Variants in NCOA2 observed in about 807,000 individuals in gnomAD.
The protein encoded by NCOA2 is nuclear receptor coactivator 2.
Under a neutral mutation model 145.1 loss-of-function variants are expected in NCOA2, and 21 were observed. The observed-to-expected ratio is 0.14, with a 90% confidence interval of 0.10 to 0.21. NCOA2 has a LOEUF of 0.21. NCOA2 is among the 10% of genes least tolerant of loss of function. The pLI is 1.00. For missense variants in NCOA2, 1,472 were observed against 1,837.6 expected (o/e 0.80, Z 3.64); for synonymous variants, 619 against 637.5 (o/e 0.97, Z 0.44).
At chr8:70,159,411 T>C in intron 10 of NCOA2, 94 bp downstream of exon 10, 1 of 1,173,234 alleles carries the variant, frequency 8.5e-7, no homozygotes, top group Non-Finnish European at 1.2e-6. Context: ...AAGAAATGTC[T>C]AACAAATCCT....
chr8:70,414,330 G>A, the NCOA2 span, among the ~76,000 whole-genome samples: 10 of 152,022 alleles, frequency 6.6e-5, no homozygotes, highest in African/African-American at 2.4e-4. Context: ...TCCTTACTGT[G>A]GGCTTTGCAG....
chr8:70,285,517 G>A (rs1000516461), intron 2 of NCOA2, among the ~76,000 whole-genome samples: 2 of 152,160 alleles, frequency 1.3e-5, no homozygotes, highest in Non-Finnish European at 2.9e-5. Context: ...AGCAAGATAC[G>A]CACATGGCGA....
chr8:70,422,160 C>T, the NCOA2 span, among the ~76,000 whole-genome samples: 1 of 151,832 alleles, frequency 6.6e-6, no homozygotes, highest in Non-Finnish European at 1.5e-5. Flanking sequence ...GCTATGTGTC[C>T]TTAAGGAGGT....
chr8:70,376,432 G>T (rs1265072527), intron 1 of NCOA2, among the ~76,000 whole-genome samples: 1 of 152,034 alleles, frequency 6.6e-6, no homozygotes, highest in African/African-American at 2.4e-5. Context: ...CCTAAACTCT[G>T]TGCAATACAG....
chr8:70,350,146 G>A (rs1302423340), intron 1 of NCOA2, among the ~76,000 whole-genome samples: 1 of 152,076 alleles, frequency 6.6e-6, no homozygotes, highest in Non-Finnish European at 1.5e-5. Context: ...ATAATGGCAA[G>A]ATAACTTACT....
chr8:70,293,479 T>G (rs1199987284), intron 2 of NCOA2, among the ~76,000 whole-genome samples: 1 of 152,230 alleles, frequency 6.6e-6, no homozygotes, highest in Non-Finnish European at 1.5e-5. Flanking sequence ...TGGTACTACA[T>G]GAAGTATATA....
At chr8:70,344,709 T>C (rs924794232) in intron 1 of NCOA2, among the ~76,000 whole-genome samples, 1 of 152,166 alleles carries the variant, frequency 6.6e-6, no homozygotes, top group Non-Finnish European at 1.5e-5. Flanking sequence ...TAAAGTTCCA[T>C]GAGCAGGAGA....
chr8:70,151,625 CTTAG>C (rs1422415263), intron 11 of NCOA2, among the ~76,000 whole-genome samples: 1 of 152,108 alleles, frequency 6.6e-6, no homozygotes, highest in African/African-American at 2.4e-5. Context: ...TCAGGATCTT[CTTAG>C]TATCAAAAGG....
Position 70,157,043 on chromosome 8 carries a change from A to C in NCOA2, c.1322T>G (p.Phe441Cys). The part of the protein sequence containing the change: ...KEQMGMPMGR[F>C]GGSGGMNHVS... ...ATGGTTCATTCCCCCAGAACCACCA[A>C]ACCTGCCCATGGGCATGCCCATTTG... Residue 441 changes from phenylalanine to cysteine, a missense_variant, in exon 11 of 23, where the codon TTT becomes TGT. Phe to Cys is a radical substitution (Grantham distance 205). This residue lies in a region of NCOA2 where 953 missense variants were observed against 1,062.1 expected (regional missense o/e 0.90). Transcript: ENST00000452400. The C allele has an allele frequency of 6.2e-7, 1 of 1,614,010 alleles. No individual in the cohort carries two copies. The highest frequency in any genetic ancestry group is 8.5e-7 in the Non-Finnish European group (1 of 1,179,892).
intron 4 of NCOA2, among the ~76,000 whole-genome samples, chr8:70,198,550 G>A (rs971082208): frequency 1.3e-5 from 2 of 152,094 alleles, no homozygotes; most frequent in Non-Finnish European, 2.9e-5. Context: ...CAGCGGGGAT[G>A]GATTATAGAA....
chr8:70,359,191 C>T (rs1410153038), intron 1 of NCOA2, among the ~76,000 whole-genome samples: 1 of 152,132 alleles, frequency 6.6e-6, no homozygotes, highest in Non-Finnish European at 1.5e-5. Flanking sequence ...AGAAGTTAAA[C>T]ACAGAATTAC....
rs71275059 is a variant in NCOA2 at position 70,232,870 on chromosome 8, T to TACACACACAC, written c.-19-16116_-19-16107dup. ...ACTGGGGACCATATGATTTAGAATT[T>TACACACACAC]ACACACACACACACACACACACGTG... On this transcript the variant is annotated intron_variant, in intron 2 of 22. Transcript: ENST00000452400. 8.7e-3 allele frequency among the ~76,000 whole-genome samples: 1,261 copies of TACACACACAC among 145,298 alleles called. 8 individuals are homozygous for TACACACACAC. Among genetic ancestry groups the TACACACACAC allele is most frequent in the African/African-American group, 0.016 (613 of 38,406 alleles).
At chr8:70,404,662 T>C (rs1814687420), upstream of NCOA2, among the ~76,000 whole-genome samples, 1 of 152,106 alleles carries the variant, frequency 6.6e-6, no homozygotes, top group Non-Finnish European at 1.5e-5. Flanking sequence ...GCACACAGAG[T>C]GTGAAACTTA....
intron 1 of NCOA2, among the ~76,000 whole-genome samples, chr8:70,376,286 T>C (rs1245131412): frequency 6.6e-6 from 1 of 151,912 alleles, no homozygotes; most frequent in East Asian, 1.9e-4. Context: ...TCGGGGAGAG[T>C]AACTGATATT....
chr8:70,439,984 C>T, the NCOA2 span, among the ~76,000 whole-genome samples: 1 of 152,154 alleles, frequency 6.6e-6, no homozygotes. Flanking sequence ...GACTCTGGGA[C>T]CCGAAAAGGC....
At chr8:70,222,374 C>A (rs1247865961) in intron 2 of NCOA2, among the ~76,000 whole-genome samples, 1 of 152,188 alleles carries the variant, frequency 6.6e-6, no homozygotes, top group Admixed American at 6.5e-5. Context: ...GCAACCACAA[C>A]TAGTCTCTAG....
intron 2 of NCOA2, among the ~76,000 whole-genome samples, chr8:70,237,465 ATC>A (rs917042489): frequency 7.0e-6 from 1 of 142,292 alleles, no homozygotes; most frequent in Non-Finnish European, 1.5e-5. Context: ...ATAGTTTTGT[ATC>A]TGTTAAAATT....
At chr8:70,444,652 AT>A in the NCOA2 span, among the ~76,000 whole-genome samples, 1 of 152,208 alleles carries the variant, frequency 6.6e-6, no homozygotes, top group East Asian at 1.9e-4. Flanking sequence ...TCCCCACATT[AT>A]TTCTTACAAC....
chr8:70,380,689 A>G (rs1812108863), intron 1 of NCOA2, among the ~76,000 whole-genome samples: 1 of 152,118 alleles, frequency 6.6e-6, no homozygotes, highest in Admixed American at 6.6e-5. Flanking sequence ...CTACCACGGA[A>G]CAAAAATTTT....
Sources: gnomAD v4.1 joint callset for allele counts (sites outside exome capture counted in the v4.1 genomes callset) on GRCh38, gnomAD v4.1.1 for gene constraint, gnomAD v4.1.1 regional missense constraint, MANE v1.5 for transcripts, NCBI Gene and HGNC (gene_info 2026-07-23, HGNC 2026-07-21) for gene names.